Variants in WWOX observed in about 807,000 individuals in gnomAD.
WWOX encodes WW domain-containing oxidoreductase.
Under a neutral mutation model 46.2 loss-of-function variants are expected in WWOX, and 69 were observed. That is an observed-to-expected ratio of 1.49 (90% CI 1.23 to 1.82). WWOX has a LOEUF of 1.82. Ranked by LOEUF, WWOX falls within the 40% of genes most tolerant of loss-of-function variation. WWOX has a pLI of 0.00. For synonymous variants in WWOX, 359 were observed against 202.6 expected (o/e 1.77, Z -6.56); for missense variants, 919 against 542.6 (o/e 1.69, Z -6.89).
intron 8 of WWOX, among the ~76,000 whole-genome samples, chr16:78,961,041 C>G (rs2046261450): frequency 6.6e-6 from 1 of 152,128 alleles, no homozygotes; most frequent in Admixed American, 6.5e-5. Flanking sequence ...CAGCTCCATA[C>G]ATCTGGGCAT....
intron 8 of WWOX, among the ~76,000 whole-genome samples, chr16:79,033,689 C>G (rs190080182): frequency 1.3e-5 from 2 of 152,318 alleles, no homozygotes; most frequent in Admixed American, 1.3e-4. Context: ...AACTGAAACG[C>G]TGTACCCACA....
At chr16:78,792,061 C>G (rs565630113) in intron 8 of WWOX, among the ~76,000 whole-genome samples, 1 of 152,258 alleles carries the variant, frequency 6.6e-6, no homozygotes, top group East Asian at 1.9e-4. Context: ...CAGCTTAGCC[C>G]TGTCCCTGGT....
intron 8 of WWOX, among the ~76,000 whole-genome samples, chr16:78,458,092 C>A (rs73572894): frequency 0.016 from 2,416 of 151,670 alleles, 69 homozygotes; most frequent in African/African-American, 0.054. Flanking sequence ...TAGTAAGTTG[C>A]CTGACTTCTC....
At chr16:78,650,036 C>G (rs1242698178) in intron 8 of WWOX, among the ~76,000 whole-genome samples, 2 of 152,084 alleles carry the variant, frequency 1.3e-5, no homozygotes, top group African/African-American at 2.4e-5. Flanking sequence ...TATTGGAAGC[C>G]TATTGTACTT....
At chr16:78,757,874 C>T (rs922959161) in intron 8 of WWOX, among the ~76,000 whole-genome samples, 1 of 152,032 alleles carries the variant, frequency 6.6e-6, no homozygotes, top group Non-Finnish European at 1.5e-5. Context: ...GTTCCACTCT[C>T]ATGACTGAAG....
At chr16:78,316,814 T>C (rs560727056) in intron 5 of WWOX, among the ~76,000 whole-genome samples, 1 of 152,344 alleles carries the variant, frequency 6.6e-6, no homozygotes, top group South Asian at 2.1e-4. Context: ...TCTAGTATTT[T>C]TCAATGCTGC....
chr16:78,954,978 C>G (rs572315984), intron 8 of WWOX, among the ~76,000 whole-genome samples: 1 of 152,066 alleles, frequency 6.6e-6, no homozygotes, highest in East Asian at 1.9e-4. Flanking sequence ...TTTGTAGGGA[C>G]AGGGCCTCAC....
chr16:79,037,078 C>G (rs747602620), intron 8 of WWOX, among the ~76,000 whole-genome samples: 1 of 152,194 alleles, frequency 6.6e-6, no homozygotes, highest in Non-Finnish European at 1.5e-5. Context: ...TCCTCAGACT[C>G]AGGGCGGGGC....
chr16:78,457,799 C>T (rs1292033002), intron 8 of WWOX, among the ~76,000 whole-genome samples: 1 of 150,822 alleles, frequency 6.6e-6, no homozygotes, highest in African/African-American at 2.5e-5. Flanking sequence ...GCCTGTAGTC[C>T]CAGCTACTTG....
chr16:78,309,240 G>C (rs985739835), intron 5 of WWOX, among the ~76,000 whole-genome samples: 1 of 152,168 alleles, frequency 6.6e-6, no homozygotes, highest in African/African-American at 2.4e-5. Context: ...CACGTGATCC[G>C]ATGGTTATAA....
chr16:78,353,995 T>C (rs2081233913), intron 5 of WWOX, among the ~76,000 whole-genome samples: 1 of 152,218 alleles, frequency 6.6e-6, no homozygotes, highest in East Asian at 1.9e-4. Context: ...CTTTCTCTCT[T>C]TCCAGACAAT....
At chr16:78,653,424 T>C (rs879819611) in intron 8 of WWOX, among the ~76,000 whole-genome samples, 2 of 152,250 alleles carry the variant, frequency 1.3e-5, no homozygotes, top group Admixed American at 1.3e-4. Context: ...TAATGATTAG[T>C]CTAAGCCCAT....
At chr16:78,776,693 A>G (rs914729173) in intron 8 of WWOX, among the ~76,000 whole-genome samples, 2 of 152,168 alleles carry the variant, frequency 1.3e-5, no homozygotes, top group Non-Finnish European at 2.9e-5. Context: ...TTGACTCACA[A>G]TTCTGCATGG....
chr16:78,544,232 C>G (rs529703299), intron 8 of WWOX, among the ~76,000 whole-genome samples: 1 of 152,318 alleles, frequency 6.6e-6, no homozygotes, highest in South Asian at 2.1e-4. Context: ...AATATTCTCT[C>G]TGACTATAAT....
At chr16:78,932,519 G>A (rs1429986912) in intron 8 of WWOX, among the ~76,000 whole-genome samples, 4 of 152,206 alleles carry the variant, frequency 2.6e-5, no homozygotes, top group Admixed American at 2.6e-4. Context: ...AAACCTTGAA[G>A]TGGGCCCTGC....
intron 5 of WWOX, among the ~76,000 whole-genome samples, chr16:78,314,033 C>G (rs770384419): frequency 1.3e-5 from 2 of 152,136 alleles, no homozygotes; most frequent in Non-Finnish European, 2.9e-5. Context: ...GTGCCTCACA[C>G]ATCTATAAAA....
At chr16:79,128,164 G>C (rs978852155) in intron 8 of WWOX, among the ~76,000 whole-genome samples, 3 of 152,112 alleles carry the variant, frequency 2.0e-5, no homozygotes, top group African/African-American at 7.2e-5. Flanking sequence ...AATGGCTGTG[G>C]TTTGATGAAG....
At chr16:78,567,219 G>A (rs2044591193) in intron 8 of WWOX, among the ~76,000 whole-genome samples, 1 of 152,164 alleles carries the variant, frequency 6.6e-6, no homozygotes, top group Admixed American at 6.5e-5. Flanking sequence ...AAGCTGAGCT[G>A]CCTGCCAGGG....
chr16:78,970,395 C>G (rs7200078), intron 8 of WWOX, among the ~76,000 whole-genome samples: 7,855 of 152,276 alleles, frequency 0.052, 708 homozygotes, highest in African/African-American at 0.18. Flanking sequence ...TGCCCAGCAT[C>G]GTCCTTATTG....
Sources: allele counts gnomAD v4.1 joint callset (sites outside exome capture counted in the v4.1 genomes callset), GRCh38; gene constraint gnomAD v4.1.1; transcripts MANE v1.5; gene names NCBI Gene and HGNC (gene_info 2026-07-23, HGNC 2026-07-21).